Variants in CSTPP1 observed in about 807,000 individuals in gnomAD.
CSTPP1 encodes the protein centriolar satellite-associated tubulin polyglutamylase complex regulator 1.
At chr11:46,982,205 T>G in the CSTPP1 span, among the ~76,000 whole-genome samples, 2 of 152,028 alleles carry the variant, frequency 1.3e-5, no homozygotes, top group Non-Finnish European at 2.9e-5. Flanking sequence ...TCAAGAGGCC[T>G]CATAGACCAA....
the CSTPP1 span, among the ~76,000 whole-genome samples, chr11:46,983,855 T>C: frequency 6.6e-6 from 1 of 152,224 alleles, no homozygotes; most frequent in Non-Finnish European, 1.5e-5. Context: ...TGTTGGCTGG[T>C]GTAAAACTCT....
chr11:46,994,073 C>T, the CSTPP1 span, among the ~76,000 whole-genome samples: 36 of 152,264 alleles, frequency 2.4e-4, no homozygotes, highest in African/African-American at 7.9e-4. Flanking sequence ...ATTTTGCTCT[C>T]AGTTTGTCTG....
At chr11:47,130,270 CA>C in the CSTPP1 span, among the ~76,000 whole-genome samples, 11 of 149,166 alleles carry the variant, frequency 7.4e-5, no homozygotes, top group East Asian at 3.9e-4. Context: ...AAAAAAAAAC[CA>C]AAAAAAAACT....
At chr11:47,149,704 A>G in the CSTPP1 span, among the ~76,000 whole-genome samples, 1 of 152,166 alleles carries the variant, frequency 6.6e-6, no homozygotes, top group Non-Finnish European at 1.5e-5. Context: ...ACAGCACAGC[A>G]TATGATGTGA....
chr11:46,968,757 G>C, the CSTPP1 span, among the ~76,000 whole-genome samples: 1 of 151,762 alleles, frequency 6.6e-6, no homozygotes, highest in Admixed American at 6.6e-5. Flanking sequence ...AAATTAGCCG[G>C]GTGTGATGGT....
At chr11:47,001,058 C>T in the CSTPP1 span, among the ~76,000 whole-genome samples, 2 of 152,122 alleles carry the variant, frequency 1.3e-5, no homozygotes, top group African/African-American at 4.8e-5. Context: ...GAAGAGATGA[C>T]GATTGAGAGC....
At chr11:47,118,885 G>T in the CSTPP1 span, among the ~76,000 whole-genome samples, 1 of 152,200 alleles carries the variant, frequency 6.6e-6, no homozygotes, top group Non-Finnish European at 1.5e-5. Context: ...CTACTGGGAG[G>T]TGTCTCCCAA....
chr11:47,159,569 GT>G, the CSTPP1 span: 1 of 453,298 alleles, frequency 2.2e-6, no homozygotes. Context: ...GGGGAGGCGG[GT>G]GGGATCTGCC....
At chr11:46,956,694 C>T in the CSTPP1 span, among the ~76,000 whole-genome samples, 2 of 151,944 alleles carry the variant, frequency 1.3e-5, no homozygotes, top group Non-Finnish European at 2.9e-5. Flanking sequence ...TTGCTGTGTA[C>T]TTTAAAATAA....
At chr11:47,061,479 G>T in the CSTPP1 span, among the ~76,000 whole-genome samples, 1 of 152,192 alleles carries the variant, frequency 6.6e-6, no homozygotes, top group African/African-American at 2.4e-5. Context: ...GATTTTGCTT[G>T]TCACTAATCC....
chr11:46,941,234 C>T, the CSTPP1 span, among the ~76,000 whole-genome samples: 6 of 152,336 alleles, frequency 3.9e-5, no homozygotes, highest in South Asian at 6.2e-4. Context: ...TTCATCAAAC[C>T]GTATCACTCT....
the CSTPP1 span, among the ~76,000 whole-genome samples, chr11:47,143,975 G>C: frequency 6.6e-6 from 1 of 152,110 alleles, no homozygotes; most frequent in African/African-American, 2.4e-5. Context: ...AAGAACACAG[G>C]CCCCATGGCA....
At chr11:47,135,141 T>TA in the CSTPP1 span, among the ~76,000 whole-genome samples, 2 of 151,582 alleles carry the variant, frequency 1.3e-5, no homozygotes, top group Non-Finnish European at 2.9e-5. Flanking sequence ...AAATTTAAAA[T>TA]AAAAAAAACT....
chr11:47,062,096 C>T, the CSTPP1 span, among the ~76,000 whole-genome samples: 4 of 152,108 alleles, frequency 2.6e-5, no homozygotes, highest in Non-Finnish European at 5.9e-5. Flanking sequence ...CCTTCCTTAT[C>T]TGAATTGGGT....
At chr11:47,151,745 G>T in the CSTPP1 span, among the ~76,000 whole-genome samples, 1 of 151,636 alleles carries the variant, frequency 6.6e-6, no homozygotes, top group South Asian at 2.1e-4. Context: ...AAAACCCTCA[G>T]TCCTTTATAC....
chr11:47,156,121 C>T, the CSTPP1 span, among the ~76,000 whole-genome samples: 19 of 152,290 alleles, frequency 1.2e-4, no homozygotes, highest in Admixed American at 4.6e-4. Flanking sequence ...CTCATTTGGG[C>T]GCCACATTCT....
the CSTPP1 span, among the ~76,000 whole-genome samples, chr11:47,119,531 C>T: frequency 4.7e-5 from 7 of 150,050 alleles, no homozygotes; most frequent in African/African-American, 1.7e-4. Flanking sequence ...CACCCATCTT[C>T]GGCATAGGTC....
chr11:46,936,872 T>C, the CSTPP1 span: 28 of 1,359,878 alleles, frequency 2.1e-5, no homozygotes, highest in Middle Eastern at 2.0e-4. Context: ...CCTTTAACTT[T>C]GGGGAGGGAA....
the CSTPP1 span, among the ~76,000 whole-genome samples, chr11:46,938,005 G>C: frequency 6.6e-6 from 1 of 152,064 alleles, no homozygotes; most frequent in African/African-American, 2.4e-5. Flanking sequence ...CTCCCGAGTA[G>C]TTGAGATTAC....
Sources: allele counts gnomAD v4.1 joint callset (sites outside exome capture counted in the v4.1 genomes callset), GRCh38; gene constraint gnomAD v4.1.1; transcripts MANE v1.5; gene names NCBI Gene and HGNC (gene_info 2026-07-23, HGNC 2026-07-21).